Variants in CHODL observed in about 807,000 individuals in gnomAD.
CHODL encodes the protein chondrolectin.
A neutral mutation model predicts 34.5 loss-of-function variants in CHODL; 29 were observed. The ratio of observed to expected loss-of-function variants is 0.84; its 90% CI spans 0.63 to 1.15. The LOEUF is 1.15. Among genes scored for constraint, CHODL ranks in the 50% most tolerant of loss-of-function variants. The pLI, the probability that CHODL is intolerant of heterozygous loss-of-function variation, is 0.00. For missense variants in CHODL, 332 were observed against 332.5 expected (o/e 1.00, Z 0.01); for synonymous variants, 125 against 116.1 (o/e 1.08, Z -0.49).
chr21:18,013,857 A>G (rs2064045110), intron 1 of CHODL, among the ~76,000 whole-genome samples: 1 of 150,392 alleles, frequency 6.6e-6, no homozygotes, highest in African/African-American at 2.4e-5. Context: ...CTGGTCTCGA[A>G]CTCCTGACCT....
chr21:18,231,591 AGTATCTGATACAT>A (rs2073979342), intron 2 of CHODL, among the ~76,000 whole-genome samples: 1 of 152,158 alleles, frequency 6.6e-6, no homozygotes, highest in Non-Finnish European at 1.5e-5. Context: ...TATTGAAAAG[AGTATCTGATACAT>A]ACCTTTTCAA....
chr21:18,084,865 T>C (rs1313110726), intron 2 of CHODL, among the ~76,000 whole-genome samples: 2 of 151,586 alleles, frequency 1.3e-5, no homozygotes, highest in Non-Finnish European at 2.9e-5. Context: ...ATGAGAGAGG[T>C]GTTAAAGTCC....
chr21:18,216,301 TCTAG>T (rs1429999170), intron 2 of CHODL, among the ~76,000 whole-genome samples: 1 of 152,164 alleles, frequency 6.6e-6, no homozygotes, highest in Non-Finnish European at 1.5e-5. Flanking sequence ...AATCTTTTCT[TCTAG>T]CTATTTTAAA....
At chr21:18,085,689 T>C (rs2064997346) in intron 2 of CHODL, among the ~76,000 whole-genome samples, 1 of 152,224 alleles carries the variant, frequency 6.6e-6, no homozygotes, top group Non-Finnish European at 1.5e-5. Context: ...TCCATTCTCT[T>C]CTAGCCTGGA....
At chr21:17,952,651 A>G (rs563609684) in intron 1 of CHODL, among the ~76,000 whole-genome samples, 2 of 152,302 alleles carry the variant, frequency 1.3e-5, no homozygotes, top group Admixed American at 6.5e-5. Flanking sequence ...GATTATGTGC[A>G]TTTGAAAATA....
intron 2 of CHODL, among the ~76,000 whole-genome samples, chr21:18,094,433 A>C (rs984470345): frequency 6.6e-6 from 1 of 152,186 alleles, no homozygotes; most frequent in Non-Finnish European, 1.5e-5. Context: ...CAGCACGTAG[A>C]TTATTCTCAA....
chr21:18,244,129 C>T (rs1027751406), upstream of CHODL, among the ~76,000 whole-genome samples: 16 of 152,208 alleles, frequency 1.1e-4, no homozygotes, highest in African/African-American at 3.1e-4. Flanking sequence ...AGCTTTACTT[C>T]TAATGTATAT....
At chr21:18,082,630 C>T (rs921346792) in intron 2 of CHODL, among the ~76,000 whole-genome samples, 5 of 152,084 alleles carry the variant, frequency 3.3e-5, no homozygotes, top group African/African-American at 1.2e-4. Flanking sequence ...GATAAGAAAC[C>T]TATTGAGAAC....
chr21:18,050,945 ATAC>A (rs2064506481), intron 2 of CHODL, among the ~76,000 whole-genome samples: 5 of 148,462 alleles, frequency 3.4e-5, no homozygotes, highest in African/African-American at 7.5e-5. Context: ...TTTTATTATT[ATAC>A]TTTAAGTTCT....
At chr21:18,169,467 T>C (rs1263854412) in intron 2 of CHODL, among the ~76,000 whole-genome samples, 2 of 151,990 alleles carry the variant, frequency 1.3e-5, no homozygotes, top group Non-Finnish European at 1.5e-5. Context: ...TTATCTATCT[T>C]TATGCCAAGA....
chr21:18,232,941 T>TTA (rs752640406), intron 2 of CHODL, among the ~76,000 whole-genome samples: 1,521 of 97,562 alleles, frequency 0.016, 37 homozygotes, highest in Middle Eastern at 0.019. Context: ...CATGATGTTA[T>TTA]GATATATATA....
intron 1 of CHODL, among the ~76,000 whole-genome samples, chr21:18,013,634 G>GTTTTTTTTTTTTTTTTT (rs1568844372): frequency 1.1e-4 from 4 of 36,266 alleles, no homozygotes; most frequent in Admixed American, 2.3e-4. Context: ...TGCTGCTGCT[G>GTTTTTTTTTTTTTTTTT]CTTTTTTTTT....
chr21:17,990,008 T>A (rs986907675), intron 1 of CHODL, among the ~76,000 whole-genome samples: 1 of 152,126 alleles, frequency 6.6e-6, no homozygotes, highest in African/African-American at 2.4e-5. Flanking sequence ...CAGAGCTGTT[T>A]GAGGCTCTCC....
chr21:18,250,595 A>G (rs190311571), intron 1 of CHODL, among the ~76,000 whole-genome samples: 42 of 152,170 alleles, frequency 2.8e-4, no homozygotes, highest in African/African-American at 1.0e-3. Context: ...AAAAATTTTA[A>G]GAAGTTGGTG....
intron 2 of CHODL, among the ~76,000 whole-genome samples, chr21:18,063,096 C>T (rs1242675894): frequency 2.6e-5 from 4 of 152,022 alleles, no homozygotes; most frequent in Admixed American, 2.0e-4. Context: ...AACTGAAGAT[C>T]AGAATTAGCA....
Position 18,040,171 on chromosome 21 carries a change from T to C in CHODL, c.-45+12200T>C, listed in dbSNP as rs147761804. ...TGAAATAAAATATTCAAAAACAGAT[T>C]ACAAAGTAGCATGGTCATGCAAACT... On this transcript the variant is annotated intron_variant, in intron 2 of 6. Coordinates refer to the CHODL transcript ENST00000400127. Among the ~76,000 whole-genome samples the C allele has an allele frequency of 3.2e-4, 48 of 151,980 alleles. 1 individual carries two copies. The East Asian group carries it at 8.2e-3, about 26-fold the overall frequency.
chr21:18,238,361 TCTTACATGGTGGTGGCAAGAGA>T (rs2074049146), intron 2 of CHODL, among the ~76,000 whole-genome samples: 1 of 152,092 alleles, frequency 6.6e-6, no homozygotes, highest in Non-Finnish European at 1.5e-5. Context: ...AAAAGGCACT[TCTTACATGGTGGTGGCAAGAGA>T]AAATGAGAAA....
At chr21:18,009,263 T>C (rs1001875269) in intron 1 of CHODL, among the ~76,000 whole-genome samples, 1 of 152,218 alleles carries the variant, frequency 6.6e-6, no homozygotes, top group Non-Finnish European at 1.5e-5. Flanking sequence ...TTGTATTATA[T>C]GTGTGGTGAT....
At chr21:18,082,873 C>T (rs1293305050) in intron 2 of CHODL, among the ~76,000 whole-genome samples, 1 of 146,842 alleles carries the variant, frequency 6.8e-6, no homozygotes, top group Non-Finnish European at 1.5e-5. Flanking sequence ...CAAAAGGAAG[C>T]AGAGTATAAA....
Sources: gnomAD v4.1 joint callset for allele counts (sites outside exome capture counted in the v4.1 genomes callset) on GRCh38, gnomAD v4.1.1 for gene constraint, MANE v1.5 for transcripts, NCBI Gene and HGNC (gene_info 2026-07-23, HGNC 2026-07-21) for gene names.